The following GPC5 variants were observed in gnomAD, a reference collection of about 807,000 sequenced individuals.
GPC5 encodes glypican-5.
Under a neutral mutation model 53.9 loss-of-function variants are expected in GPC5, and 47 were observed. That is an observed-to-expected ratio of 0.87 (90% CI 0.69 to 1.11). The LOEUF is 1.11. Ranked by LOEUF, GPC5 falls within the 50% of genes most tolerant of loss-of-function variation. GPC5 has a pLI of 0.00. For missense variants in GPC5, 748 were observed against 713.1 expected (o/e 1.05, Z -0.56); for synonymous variants, 286 against 263.3 (o/e 1.09, Z -0.84).
At chr13:92,061,152 G>C (rs1366195489) in intron 6 of GPC5, among the ~76,000 whole-genome samples, 1 of 151,946 alleles carries the variant, frequency 6.6e-6, no homozygotes, top group Non-Finnish European at 1.5e-5. Context: ...TATTGCTTTA[G>C]GGATAGGTTT....
chr13:91,482,705 C>T (rs1414036300), intron 2 of GPC5, among the ~76,000 whole-genome samples: 2 of 152,160 alleles, frequency 1.3e-5, no homozygotes, highest in African/African-American at 4.8e-5. Flanking sequence ...GGATTAATGT[C>T]ACCCCCTGCC....
intron 7 of GPC5, among the ~76,000 whole-genome samples, chr13:92,547,488 A>G (rs1882160067): frequency 1.3e-5 from 2 of 152,134 alleles, no homozygotes; most frequent in South Asian, 4.1e-4. Context: ...TCCTTCAGTG[A>G]CTCATTGGAA....
chr13:92,474,398 C>T (rs749741111), intron 7 of GPC5, among the ~76,000 whole-genome samples: 21 of 152,076 alleles, frequency 1.4e-4, no homozygotes, highest in South Asian at 6.2e-4. Flanking sequence ...AATTGTGTTA[C>T]GGTGGCCATT....
intron 7 of GPC5, among the ~76,000 whole-genome samples, chr13:92,166,018 T>C (rs2042024899): frequency 6.6e-6 from 1 of 152,222 alleles, no homozygotes; most frequent in Admixed American, 6.5e-5. Flanking sequence ...AACTTCACTC[T>C]ATATTTTAAA....
At chr13:91,525,288 T>C (rs916082436) in intron 2 of GPC5, among the ~76,000 whole-genome samples, 3 of 152,220 alleles carry the variant, frequency 2.0e-5, no homozygotes, top group African/African-American at 7.2e-5. Flanking sequence ...TCAATAAAAA[T>C]CTTAAAGGAA....
Position 92,361,201 on chromosome 13 carries a change from T to C in GPC5, c.1561+216212T>C, listed in dbSNP as rs572242541. Among the ~76,000 whole-genome samples the C allele has an allele frequency of 1.0e-3, 152 of 151,740 alleles. 6 individuals are homozygous for C. Among genetic ancestry groups the C allele is most frequent in the African/African-American group, 3.6e-3 (146 of 41,070 alleles). ...AATTCAAATAAAGGAAAAAAAACAATGGATGCTAAAGAAAACCTTTGGTCA... is the reference window on the plus strand; with the variant it reads ...AATTCAAATAAAGGAAAAAAAACAACGGATGCTAAAGAAAACCTTTGGTCA... On this transcript the variant is annotated intron_variant, in intron 7 of 7. Transcript: ENST00000377067.
At chr13:92,189,512 C>G (rs1157046790) in intron 7 of GPC5, among the ~76,000 whole-genome samples, 2 of 152,150 alleles carry the variant, frequency 1.3e-5, no homozygotes, top group East Asian at 3.9e-4. Context: ...TCTGTTCCCC[C>G]TCCAGCATGC....
At chr13:92,257,567 T>TTTTTTTTTGGG (rs1555323586) in intron 7 of GPC5, among the ~76,000 whole-genome samples, 1 of 142,056 alleles carries the variant, frequency 7.0e-6, no homozygotes, top group African/African-American at 2.9e-5. Context: ...TTTTTTTTTT[T>TTTTTTTTTGGG]GGGGACAGAG....
At chr13:91,506,102 A>G (rs759403462) in intron 2 of GPC5, among the ~76,000 whole-genome samples, 1 of 152,088 alleles carries the variant, frequency 6.6e-6, no homozygotes, top group Non-Finnish European at 1.5e-5. Flanking sequence ...AGAGAAGCCA[A>G]TTACTTTGCC....
chr13:92,564,172 C>G (rs766795471), intron 7 of GPC5, among the ~76,000 whole-genome samples: 1 of 151,882 alleles, frequency 6.6e-6, no homozygotes, highest in Non-Finnish European at 1.5e-5. Flanking sequence ...TAGACACATG[C>G]CTTCCAGTGC....
At chr13:92,523,913 T>A (rs1355754442) in intron 7 of GPC5, among the ~76,000 whole-genome samples, 1 of 152,120 alleles carries the variant, frequency 6.6e-6, no homozygotes, top group Non-Finnish European at 1.5e-5. Context: ...TGTGTATGTA[T>A]CTTAATTTTA....
At chr13:91,711,039 G>T (rs1025615126) in intron 3 of GPC5, among the ~76,000 whole-genome samples, 6 of 152,158 alleles carry the variant, frequency 3.9e-5, no homozygotes, top group African/African-American at 9.7e-5. Flanking sequence ...GTGGAAGACG[G>T]TGTGGCAATT....
intron 7 of GPC5, among the ~76,000 whole-genome samples, chr13:92,330,001 A>G (rs890219327): frequency 7.9e-6 from 1 of 127,078 alleles, no homozygotes; most frequent in Non-Finnish European, 1.7e-5. Flanking sequence ...TATACAAACA[A>G]AACTTTTTTT....
intron 2 of GPC5, among the ~76,000 whole-genome samples, chr13:91,544,425 C>T (rs147931362): frequency 7.2e-5 from 11 of 152,196 alleles, no homozygotes; most frequent in Admixed American, 3.3e-4. Flanking sequence ...TGCTTTGCTG[C>T]GTGTCTGTGT....
At chr13:92,624,830 C>T (rs565169495) in intron 7 of GPC5, among the ~76,000 whole-genome samples, 1 of 152,346 alleles carries the variant, frequency 6.6e-6, no homozygotes, top group African/African-American at 2.4e-5. Context: ...TGGAGAAATA[C>T]ACTTGGCTTT....
intron 6 of GPC5, among the ~76,000 whole-genome samples, chr13:91,924,717 G>A (rs1177035698): frequency 6.6e-6 from 1 of 151,692 alleles, no homozygotes; most frequent in Non-Finnish European, 1.5e-5. Flanking sequence ...TTCCAGCCTG[G>A]GTGACATAGT....
chr13:92,285,372 C>A (rs2042946591), intron 7 of GPC5, among the ~76,000 whole-genome samples: 1 of 152,142 alleles, frequency 6.6e-6, no homozygotes, highest in African/African-American at 2.4e-5. Context: ...ACTGTCTTCA[C>A]AGAATTGGAA....
intron 7 of GPC5, among the ~76,000 whole-genome samples, chr13:92,850,398 G>C (rs934897799): frequency 1.3e-5 from 2 of 152,116 alleles, no homozygotes; most frequent in African/African-American, 2.4e-5. Flanking sequence ...TCAGGAGCTC[G>C]AGACCAGCAT....
At chr13:91,668,513 G>A (rs2035170267) in intron 2 of GPC5, among the ~76,000 whole-genome samples, 1 of 152,040 alleles carries the variant, frequency 6.6e-6, no homozygotes, top group Admixed American at 6.6e-5. Context: ...TATTATATGT[G>A]TCATTTAGTG....
Sources: gnomAD v4.1 joint callset for allele counts (sites outside exome capture counted in the v4.1 genomes callset) on GRCh38, gnomAD v4.1.1 for gene constraint, MANE v1.5 for transcripts, NCBI Gene and HGNC (gene_info 2026-07-23, HGNC 2026-07-21) for gene names.